The following EPHA7 variants were observed in gnomAD, a reference collection of about 807,000 sequenced individuals.
The protein encoded by EPHA7 is EPH receptor A7.
A neutral mutation model predicts 112.6 loss-of-function variants in EPHA7; 25 were observed. The observed-to-expected ratio is 0.22, with a 90% CI of 0.16 to 0.31. The LOEUF is 0.31. EPHA7 is among the 10% of genes least tolerant of loss of function. The pLI, the probability that EPHA7 is intolerant of heterozygous loss-of-function variation, is 1.00. For missense variants in EPHA7, 962 were observed against 1,212.6 expected (o/e 0.79, Z 3.07); for synonymous variants, 437 against 406.5 (o/e 1.07, Z -0.90).
chr6:93,258,035 CATA>C, intron 11 of EPHA7, 61 bp downstream of exon 11: 2 of 1,436,944 alleles, frequency 1.4e-6, no homozygotes, highest in Non-Finnish European at 1.9e-6. Flanking sequence ...TTATTGTGTA[CATA>C]ATAATACTAA....
chr6:93,352,321 C>T (rs559946626), intron 5 of EPHA7, among the ~76,000 whole-genome samples: 21 of 152,202 alleles, frequency 1.4e-4, no homozygotes, highest in African/African-American at 4.8e-4. Flanking sequence ...CTTCTGCATA[C>T]TACTTCTGTG....
At chr6:93,364,819 C>A (rs551747219) in intron 3 of EPHA7, among the ~76,000 whole-genome samples, 1 of 151,928 alleles carries the variant, frequency 6.6e-6, no homozygotes, top group Non-Finnish European at 1.5e-5. Context: ...TTGTTTTAAC[C>A]TATTTGTTAA....
intron 5 of EPHA7, among the ~76,000 whole-genome samples, chr6:93,300,069 C>T (rs942047532): frequency 2.6e-5 from 4 of 152,016 alleles, no homozygotes; most frequent in African/African-American, 9.7e-5. Flanking sequence ...ACAACAAACC[C>T]CTGTCACACA....
intron 5 of EPHA7, among the ~76,000 whole-genome samples, chr6:93,282,758 G>T (rs1771818495): frequency 6.6e-6 from 1 of 152,134 alleles, no homozygotes; most frequent in African/African-American, 2.4e-5. Flanking sequence ...GGACCTGCCA[G>T]CCCCGAGCAG....
At chr6:93,260,488 AC>A in intron 9 of EPHA7, 1 of 926,454 alleles carries the variant, frequency 1.1e-6, no homozygotes, top group Non-Finnish European at 1.3e-6. Flanking sequence ...CCTCAAAAAA[AC>A]TTTATTGTTT....
intron 5 of EPHA7, among the ~76,000 whole-genome samples, chr6:93,352,770 A>T (rs935238988): frequency 6.6e-6 from 1 of 152,144 alleles, no homozygotes; most frequent in Admixed American, 6.6e-5. Context: ...AAAGAACAAG[A>T]TCGTGTCCTT....
intron 3 of EPHA7, among the ~76,000 whole-genome samples, chr6:93,385,465 C>G (rs1290501208): frequency 6.6e-6 from 1 of 151,864 alleles, no homozygotes; most frequent in Non-Finnish European, 1.5e-5. Context: ...ATAAATTGGT[C>G]CAGATTGCAT....
intron 3 of EPHA7, among the ~76,000 whole-genome samples, chr6:93,401,598 T>TA (rs993298005): frequency 1.4e-4 from 21 of 152,186 alleles, no homozygotes; most frequent in African/African-American, 4.3e-4. Context: ...ACTACCAGAT[T>TA]AAAAAATAAA....
intron 9 of EPHA7, chr6:93,260,608 A>C (rs1770642888): frequency 1.0e-6 from 1 of 969,130 alleles, no homozygotes; most frequent in Non-Finnish European, 1.2e-6. Context: ...TCACATTAAA[A>C]CTATATTTTA....
At chr6:93,252,467 G>A (rs1333037929) in intron 14 of EPHA7, among the ~76,000 whole-genome samples, 3 of 151,790 alleles carry the variant, frequency 2.0e-5, no homozygotes, top group Non-Finnish European at 2.9e-5. Flanking sequence ...ATACACAGCA[G>A]TTTCCACATG....
chr6:93,306,991 T>A (rs1773292956), intron 5 of EPHA7, among the ~76,000 whole-genome samples: 1 of 151,918 alleles, frequency 6.6e-6, no homozygotes, highest in African/African-American at 2.4e-5. Context: ...TTAGAATTGC[T>A]CATATCTCCA....
intron 5 of EPHA7, among the ~76,000 whole-genome samples, chr6:93,341,821 T>C (rs1182545660): frequency 2.0e-5 from 3 of 151,896 alleles, no homozygotes; most frequent in African/African-American, 7.2e-5. Flanking sequence ...AATTTTAATA[T>C]CATTTTCATG....
chr6:93,258,362 ATTTTTC>A, intron 10 of EPHA7, 78 bp from the exon 11 acceptor site: 4 of 1,319,324 alleles, frequency 3.0e-6, no homozygotes, highest in Non-Finnish European at 4.1e-6. Flanking sequence ...GCGTTGAATT[ATTTTTC>A]TTTAACTTTT....
intron 5 of EPHA7, among the ~76,000 whole-genome samples, chr6:93,354,630 A>C (rs1006554255): frequency 4.2e-5 from 6 of 141,976 alleles, no homozygotes; most frequent in African/African-American, 1.5e-4. Flanking sequence ...CCCACAAATA[A>C]AGCAAAAAAA....
intron 3 of EPHA7, among the ~76,000 whole-genome samples, chr6:93,382,555 T>C (rs1413022813): frequency 1.3e-5 from 2 of 152,154 alleles, no homozygotes; most frequent in Non-Finnish European, 2.9e-5. Context: ...GAATAAACTT[T>C]TATTCACTCT....
At chr6:93,375,508 C>T (rs771698853) in intron 3 of EPHA7, among the ~76,000 whole-genome samples, 1 of 151,472 alleles carries the variant, frequency 6.6e-6, no homozygotes, top group Non-Finnish European at 1.5e-5. Flanking sequence ...GTTCCAGCTA[C>T]TCGAGAGGCT....
intron 5 of EPHA7, among the ~76,000 whole-genome samples, chr6:93,349,966 G>A (rs1294803149): frequency 1.3e-5 from 2 of 151,718 alleles, no homozygotes; most frequent in Non-Finnish European, 2.9e-5. Flanking sequence ...TATGTATAAT[G>A]TTATATCACA....
chr6:93,311,180 T>C (rs2127865115), intron 5 of EPHA7, among the ~76,000 whole-genome samples: 1 of 144,750 alleles, frequency 6.9e-6, no homozygotes, highest in Admixed American at 7.0e-5. Flanking sequence ...CTCAGGTTGG[T>C]CTTGAACTCC....
intron 3 of EPHA7, among the ~76,000 whole-genome samples, chr6:93,386,737 A>C (rs1028171798): frequency 2.6e-5 from 4 of 152,088 alleles, no homozygotes; most frequent in African/African-American, 4.8e-5. Context: ...ATTTAGGAGG[A>C]GGTTCCCAAA....
Sources: allele counts gnomAD v4.1 joint callset (sites outside exome capture counted in the v4.1 genomes callset), GRCh38; gene constraint gnomAD v4.1.1; transcripts MANE v1.5; gene names NCBI Gene and HGNC (gene_info 2026-07-23, HGNC 2026-07-21).